The following TMPRSS11F variants were observed in gnomAD, a reference collection of about 807,000 sequenced individuals.
The protein encoded by TMPRSS11F is transmembrane protease serine 11F.
TMPRSS11F carries 47 observed loss-of-function variants against 60.2 expected under a neutral mutation model. That is an observed-to-expected ratio of 0.78 (90% CI 0.62 to 1.00). The LOEUF (loss-of-function observed/expected upper bound fraction) is 1.00. TMPRSS11F is among the 50% of genes least tolerant of loss of function. The probability of loss-of-function intolerance (pLI) is 0.00; values close to 1 mark genes in which losing one functional copy is unlikely to be tolerated. For missense variants in TMPRSS11F, 519 were observed against 522.9 expected (o/e 0.99, Z 0.07); for synonymous variants, 166 against 167.3 (o/e 0.99, Z 0.06).
chr4:68,098,778 G>T, intron 2 of TMPRSS11F, 109 bp downstream of exon 2: 2 of 1,016,814 alleles, frequency 2.0e-6, no homozygotes, highest in Non-Finnish European at 2.8e-6. Flanking sequence ...TAAAAGACTG[G>T]TAATTAAAAT....
At chr4:68,066,921 G>A (rs1299697438) in intron 7 of TMPRSS11F, among the ~76,000 whole-genome samples, 3 of 142,882 alleles carry the variant, frequency 2.1e-5, no homozygotes, top group South Asian at 2.2e-4. Context: ...GCAAAAGAGC[G>A]AGACTTCATC....
chr4:68,054,983 T>C (rs962212950), intron 9 of TMPRSS11F, among the ~76,000 whole-genome samples: 3 of 152,244 alleles, frequency 2.0e-5, no homozygotes, highest in African/African-American at 7.2e-5. Flanking sequence ...AAGTTTCCCC[T>C]GATGAGTATA....
At chr4:68,126,830 A>G (rs1367051056) in intron 1 of TMPRSS11F, among the ~76,000 whole-genome samples, 1 of 152,238 alleles carries the variant, frequency 6.6e-6, no homozygotes, top group Non-Finnish European at 1.5e-5. Context: ...GGAACAATTA[A>G]GATGTGAAGG....
At chr4:68,068,906 G>C in intron 6 of TMPRSS11F, 87 bp from the exon 7 acceptor site, 1 of 1,364,864 alleles carries the variant, frequency 7.3e-7, no homozygotes, top group Non-Finnish European at 1.0e-6. Flanking sequence ...ACAATCCTTT[G>C]TCCCTGCTAC....
At chr4:68,095,380 T>G (rs1276567899) in intron 2 of TMPRSS11F, among the ~76,000 whole-genome samples, 1 of 152,098 alleles carries the variant, frequency 6.6e-6, no homozygotes, top group Non-Finnish European at 1.5e-5. Context: ...CACTTCACAA[T>G]AGCAGAAAAT....
intron 1 of TMPRSS11F, among the ~76,000 whole-genome samples, chr4:68,117,406 T>C (rs910409589): frequency 3.8e-5 from 5 of 131,146 alleles, no homozygotes; most frequent in African/African-American, 8.7e-5. Flanking sequence ...TGGCAGAGCC[T>C]GCAGTAAGCC....
chr4:68,081,206 C>A (rs1416574847), intron 3 of TMPRSS11F, among the ~76,000 whole-genome samples: 1 of 152,086 alleles, frequency 6.6e-6, no homozygotes, highest in African/African-American at 2.4e-5. Context: ...ATATCTGTAG[C>A]CTTTTGATAC....
chr4:68,073,839 CTG>C (rs954865860), intron 4 of TMPRSS11F, 101 bp downstream of exon 4: 2 of 661,536 alleles, frequency 3.0e-6, no homozygotes, highest in African/African-American at 3.9e-5. Flanking sequence ...TATGAAATCT[CTG>C]TGTTGCTGTA....
At chr4:68,063,695 C>G (rs550443364) in intron 8 of TMPRSS11F, among the ~76,000 whole-genome samples, 2 of 152,016 alleles carry the variant, frequency 1.3e-5, no homozygotes, top group South Asian at 4.2e-4. Context: ...TTCTCTTTAA[C>G]GTAGAGTGAA....
chr4:68,078,020 A>ACCTGC (rs912937736), intron 3 of TMPRSS11F, among the ~76,000 whole-genome samples: 3 of 152,000 alleles, frequency 2.0e-5, no homozygotes, highest in Admixed American at 6.6e-5. Context: ...GGCTGGGCTG[A>ACCTGC]CCTGCCCTGC....
intron 1 of TMPRSS11F, among the ~76,000 whole-genome samples, chr4:68,123,232 G>A (rs1406059716): frequency 2.0e-5 from 3 of 152,168 alleles, no homozygotes; most frequent in African/African-American, 4.8e-5. Context: ...TTTTGAAGAA[G>A]TAGTACACTG....
chr4:68,105,016 CTTGTAAAATGTGTTAGAAATCA>C (rs1317325657), intron 1 of TMPRSS11F, among the ~76,000 whole-genome samples: 4 of 126,412 alleles, frequency 3.2e-5, no homozygotes, highest in Middle Eastern at 4.9e-3. Flanking sequence ...TGATGCTGGC[CTTGTAAAATGTGTTAGAAATCA>C]TTCCCTCTAG....
In TMPRSS11F at chr4:68,072,488, T is replaced by C. The variant is rs1264941796; in HGVS notation, c.351-2A>G. On this transcript the variant is annotated splice_acceptor_variant, in intron 4 of 9. Coordinates refer to ENST00000356291, the MANE Select transcript of TMPRSS11F (RefSeq NM_207407.2). LOFTEE classifies it high-confidence loss of function. ...ATATCCACACCTTGTTCATCTGGACTGAAGAACAAAAAAGCAGATAAAAAT... is the reference window on the plus strand; with the variant it reads ...ATATCCACACCTTGTTCATCTGGACCGAAGAACAAAAAAGCAGATAAAAAT... 4 of 1,503,296 alleles carry C rather than the reference T, an allele frequency of 2.7e-6. No homozygotes were observed. In the African/African-American group the frequency reaches 4.2e-5, roughly 16 times the overall value. 93.1% of individuals were successfully genotyped at this position (1,503,296 alleles called of 1,614,324 possible).
At chr4:68,099,087 A>C in intron 1 of TMPRSS11F, 49 bp from the exon 2 acceptor site, 1 of 1,504,678 alleles carries the variant, frequency 6.6e-7, no homozygotes, top group Non-Finnish European at 9.1e-7. Flanking sequence ...ATTATAGTTC[A>C]ACTTTATGTT....
At chr4:68,125,503 T>C (rs937462420) in intron 1 of TMPRSS11F, among the ~76,000 whole-genome samples, 1 of 152,194 alleles carries the variant, frequency 6.6e-6, no homozygotes, top group African/African-American at 2.4e-5. Context: ...ACATCTCTGA[T>C]ATGAGTTTGA....
intron 7 of TMPRSS11F, 103 bp downstream of exon 7, chr4:68,068,515 G>GGA (rs1723377729): frequency 1.1e-6 from 1 of 946,462 alleles, no homozygotes; most frequent in Non-Finnish European, 1.7e-6. Context: ...TACCCTGAAT[G>GGA]GAGCAAAGGT....
chr4:68,086,935 C>T lies in TMPRSS11F; in HGVS notation c.282+3588G>A, dbSNP rs530165388. On this transcript the variant is annotated intron_variant, in intron 3 of 9. Coordinates refer to ENST00000356291, the MANE Select transcript of TMPRSS11F (RefSeq NM_207407.2). ...CAGATGAATTCACAGCCAAATTCTACCAGACATACACAGAAAAATGGGTAC... is the reference window on the plus strand; with the variant it reads ...CAGATGAATTCACAGCCAAATTCTATCAGACATACACAGAAAAATGGGTAC... 1.4e-4 allele frequency among the ~76,000 whole-genome samples: 21 copies of T among 152,134 alleles called. No homozygotes were observed. The South Asian group carries it at 4.4e-3, about 32-fold the overall frequency.
intron 2 of TMPRSS11F, among the ~76,000 whole-genome samples, chr4:68,090,960 T>A (rs1723917560): frequency 6.6e-6 from 1 of 152,200 alleles, no homozygotes; most frequent in South Asian, 2.1e-4. Context: ...CATGTAAATG[T>A]CATCAGTTCC....
intron 3 of TMPRSS11F, among the ~76,000 whole-genome samples, chr4:68,081,432 A>C (rs1723695113): frequency 6.6e-6 from 1 of 152,218 alleles, no homozygotes; most frequent in Admixed American, 6.5e-5. Flanking sequence ...CTAAACAAAC[A>C]ATTTTTTACA....
Sources: allele counts gnomAD v4.1 joint callset (sites outside exome capture counted in the v4.1 genomes callset), GRCh38; gene constraint gnomAD v4.1.1; transcripts MANE v1.5; gene names NCBI Gene and HGNC (gene_info 2026-07-23, HGNC 2026-07-21).